Variants in RSF1 observed in about 807,000 individuals in gnomAD.
RSF1 encodes the protein HBV pX-associated protein 8.
Under a neutral mutation model 145.2 loss-of-function variants are expected in RSF1, and 13 were observed. The observed-to-expected ratio is 0.09, with a 90% CI of 0.06 to 0.14. The LOEUF is 0.14. RSF1 is among the 10% of genes least tolerant of loss of function. The pLI, the probability that RSF1 is intolerant of heterozygous loss-of-function variation, is 1.00. For synonymous variants in RSF1, 577 were observed against 592.6 expected, an observed-to-expected ratio of 0.97 and a Z score of 0.38; for missense variants, 1,517 against 1,718.2, an observed-to-expected ratio of 0.88 and a Z score of 2.07.
intron 15 of RSF1, among the ~76,000 whole-genome samples, chr11:77,671,141 ATATATAT>A (rs1959528097): frequency 5.5e-4 from 8 of 14,452 alleles, no homozygotes; most frequent in East Asian, 6.5e-3. Flanking sequence ...AAAAAAAAAT[ATATATAT>A]ATATATATAT....
rs183415800 is a variant in RSF1, at chr11:77,668,160, C to T, written c.3752-669G>A. Among the ~76,000 whole-genome samples, 38 of 152,180 alleles carry T rather than the reference C, an allele frequency of 2.5e-4. No homozygotes were observed. In the East Asian group the frequency reaches 6.4e-3, roughly 25 times the overall value. ...TTACAGGTGTGTGTGCCGCCACACC[C>T]AGCTAATTTCTTTGCATTTTTAGTA... is the stretch of plus-strand genomic sequence containing the variant. On this transcript the variant is annotated intron_variant, in intron 15 of 15. Coordinates refer to ENST00000308488, the MANE Select transcript of RSF1 (RefSeq NM_016578.4).
intron 1 of RSF1, among the ~76,000 whole-genome samples, chr11:77,791,172 T>A (rs1409879816): frequency 2.6e-5 from 4 of 152,244 alleles, no homozygotes; most frequent in Non-Finnish European, 5.9e-5. Context: ...GAAATCTAGG[T>A]GGAGGTTCCC....
the RSF1 span, among the ~76,000 whole-genome samples, chr11:77,850,173 A>G: frequency 6.6e-6 from 1 of 152,208 alleles, no homozygotes; most frequent in Non-Finnish European, 1.5e-5. Flanking sequence ...CATTAGTTTA[A>G]AAAAGGACAG....
chr11:77,848,690 G>T, the RSF1 span, among the ~76,000 whole-genome samples: 1 of 152,172 alleles, frequency 6.6e-6, no homozygotes, highest in African/African-American at 2.4e-5. Flanking sequence ...CTTAAGCACA[G>T]AGAAGTTATA....
intron 1 of RSF1, among the ~76,000 whole-genome samples, chr11:77,789,476 G>A (rs1472223010): frequency 2.0e-5 from 3 of 152,190 alleles, no homozygotes; most frequent in African/African-American, 7.2e-5. Context: ...CACAAGCAAG[G>A]CACAGGCTAC....
chr11:77,716,448 G>A (rs923208561), intron 5 of RSF1, among the ~76,000 whole-genome samples: 9 of 152,142 alleles, frequency 5.9e-5, no homozygotes, highest in Non-Finnish European at 2.9e-5. Flanking sequence ...CATTAACAAC[G>A]AAAGAAATCC....
chr11:77,803,645 G>GAC (rs1948648383), intron 1 of RSF1, among the ~76,000 whole-genome samples: 1 of 151,824 alleles, frequency 6.6e-6, no homozygotes, highest in Non-Finnish European at 1.5e-5. Context: ...CGGGCATGGT[G>GAC]GTGCGCACCT....
the RSF1 span, among the ~76,000 whole-genome samples, chr11:77,854,031 C>T: frequency 6.8e-6 from 1 of 146,884 alleles, no homozygotes; most frequent in African/African-American, 2.5e-5. Flanking sequence ...CGCTCCGTTG[C>T]CCAGGCTGGA....
intron 5 of RSF1, among the ~76,000 whole-genome samples, chr11:77,723,693 G>A (rs919483452): frequency 6.6e-6 from 1 of 152,186 alleles, no homozygotes; most frequent in African/African-American, 2.4e-5. Flanking sequence ...TTGTTTACAA[G>A]CAATGCTTGC....
At chr11:77,745,400 C>T (rs1467898563) in intron 3 of RSF1, among the ~76,000 whole-genome samples, 1 of 151,844 alleles carries the variant, frequency 6.6e-6, no homozygotes, top group African/African-American at 2.4e-5. Context: ...ATATGGCCAT[C>T]GATTGCTATG....
intron 1 of RSF1, among the ~76,000 whole-genome samples, chr11:77,779,670 C>T (rs1948384045): frequency 6.6e-6 from 1 of 152,120 alleles, no homozygotes; most frequent in South Asian, 2.1e-4. Flanking sequence ...CACACCTGGC[C>T]TCTTAAAATT....
At chr11:77,856,942 G>A in the RSF1 span, among the ~76,000 whole-genome samples, 64 of 152,158 alleles carry the variant, frequency 4.2e-4, no homozygotes, top group Non-Finnish European at 7.9e-4. Flanking sequence ...AAGAATGAAA[G>A]GACAGACTGG....
In RSF1 at chr11:77,820,697, TGCC is replaced by T. The variant is rs1380065504; in HGVS notation, c.15_17del (p.Ala9del). ...CCGGAGGAGCCATCACCGCCGCCGC[TGCC>T]GCCGCCGTCGCCATTTTGAACTGGA... is the stretch of plus-strand genomic sequence containing the variant. On this transcript the variant is annotated inframe_deletion, in exon 1 of 16. Transcript: ENST00000308488. 6.5e-7 allele frequency: 1 copy of T among 1,550,038 alleles called. No homozygotes were observed. Among genetic ancestry groups the T allele is most frequent in the East Asian group, 2.4e-5 (1 of 41,314 alleles).
chr11:77,746,257 T>C (rs1056015746), intron 3 of RSF1, among the ~76,000 whole-genome samples: 1 of 152,122 alleles, frequency 6.6e-6, no homozygotes, highest in Non-Finnish European at 1.5e-5. Context: ...TACTATGACA[T>C]TTGGTTTTCT....
At chr11:77,870,999 A>G in the RSF1 span, among the ~76,000 whole-genome samples, 6 of 152,062 alleles carry the variant, frequency 3.9e-5, no homozygotes, top group Admixed American at 2.0e-4. Context: ...CCTTACATCT[A>G]GGGCTTTATA....
intron 1 of RSF1, among the ~76,000 whole-genome samples, chr11:77,819,485 C>A (rs2135996660): frequency 6.6e-6 from 1 of 152,332 alleles, no homozygotes; most frequent in Non-Finnish European, 1.5e-5. Flanking sequence ...TTCAATGGGG[C>A]CGGGCAGAGC....
chr11:77,701,887 C>T lies in RSF1; in HGVS notation c.1342G>A (p.Asp448Asn). The change falls in exon 6 of 16, where the codon GAT becomes AAT. Residue 448 changes from aspartate (D) to asparagine (N), a missense_variant. Coordinates refer to ENST00000308488, the MANE Select transcript of RSF1 (RefSeq NM_016578.4). ...GKQLVNGEVS[D>N]ERVAPNFKTE... Reference sequence around the variant, plus strand: ...TTAAAATTTGGAGCTACCCTTTCATCACTAACTTCTCCATTTACCAGCTGT... The same window carrying T: ...TTAAAATTTGGAGCTACCCTTTCATTACTAACTTCTCCATTTACCAGCTGT... 1 of 1,614,000 alleles carries T rather than the reference C, an allele frequency of 6.2e-7. No individual in the cohort carries two copies. Among genetic ancestry groups the T allele is most frequent in the East Asian group, 2.2e-5 (1 of 44,876 alleles).
chr11:77,740,699 A>G, intron 4 of RSF1, 32 bp downstream of exon 4: 1 of 1,563,820 alleles, frequency 6.4e-7, no homozygotes, highest in East Asian at 2.2e-5. Context: ...AAAACACACA[A>G]ATAAGTGTAA....
At chr11:77,799,416 C>T (rs905780910) in intron 1 of RSF1, among the ~76,000 whole-genome samples, 5 of 150,230 alleles carry the variant, frequency 3.3e-5, no homozygotes, top group Non-Finnish European at 7.4e-5. Context: ...GTGAAAGGAT[C>T]GCTTGAGATC....
Sources: allele counts gnomAD v4.1 joint callset (sites outside exome capture counted in the v4.1 genomes callset), GRCh38; gene constraint gnomAD v4.1.1; transcripts MANE v1.5; gene names NCBI Gene and HGNC (gene_info 2026-07-23, HGNC 2026-07-21).